The following DNM3 variants were observed in gnomAD, a reference collection of about 807,000 sequenced individuals.
DNM3 encodes the protein dynamin-3.
Under a neutral mutation model 101.6 loss-of-function variants are expected in DNM3, and 47 were observed. That is an observed-to-expected ratio of 0.46 (90% CI 0.37 to 0.59). DNM3 has a LOEUF of 0.59. Among genes scored for constraint, DNM3 ranks in the 20% least tolerant of loss-of-function variants. The pLI, the probability that DNM3 is intolerant of heterozygous loss-of-function variation, is 0.00. For missense variants in DNM3, 849 were observed against 1,085.7 expected (o/e 0.78, Z 3.06); for synonymous variants, 385 against 387.9 (o/e 0.99, Z 0.09).
intron 14 of DNM3, among the ~76,000 whole-genome samples, chr1:172,216,475 G>T (rs1398443521): frequency 6.6e-6 from 1 of 152,048 alleles, no homozygotes; most frequent in Non-Finnish European, 1.5e-5. Flanking sequence ...ATTTGTGATG[G>T]ATGCTAAAGT....
chr1:171,916,319 A>C (rs2039706503), intron 1 of DNM3, among the ~76,000 whole-genome samples: 1 of 152,334 alleles, frequency 6.6e-6, no homozygotes, highest in South Asian at 2.1e-4. Context: ...TTATGAGATC[A>C]AACAAGTTAA....
chr1:171,957,223 A>C (rs1571826843), intron 2 of DNM3, among the ~76,000 whole-genome samples: 2 of 136,908 alleles, frequency 1.5e-5, no homozygotes, highest in East Asian at 2.1e-4. Context: ...TTTGAGACGG[A>C]GTCTCGCACT....
At chr1:172,079,539 T>A (rs1425764049) in intron 11 of DNM3, among the ~76,000 whole-genome samples, 3 of 152,192 alleles carry the variant, frequency 2.0e-5, no homozygotes, top group Non-Finnish European at 4.4e-5. Flanking sequence ...TTCAAGGTTC[T>A]TAGCTTCCTT....
At chr1:172,198,850 A>G (rs2060049815) in intron 14 of DNM3, among the ~76,000 whole-genome samples, 1 of 151,852 alleles carries the variant, frequency 6.6e-6, no homozygotes, top group Non-Finnish European at 1.5e-5. Flanking sequence ...AATTTTTTCA[A>G]AAAATCAACT....
At chr1:172,223,375 T>C (rs369642210) in intron 14 of DNM3, among the ~76,000 whole-genome samples, 92 of 152,022 alleles carry the variant, frequency 6.1e-4, no homozygotes, top group African/African-American at 2.1e-3. Flanking sequence ...CAGGCACCAT[T>C]GTATATCCAT....
chr1:172,343,622 A>G (rs1485587746), intron 17 of DNM3, among the ~76,000 whole-genome samples: 1 of 152,186 alleles, frequency 6.6e-6, no homozygotes, highest in African/African-American at 2.4e-5. Flanking sequence ...TGTGAATCAT[A>G]GAAGCAGCCA....
intron 14 of DNM3, among the ~76,000 whole-genome samples, chr1:172,158,284 A>T (rs2058417517): frequency 6.6e-6 from 1 of 151,978 alleles, no homozygotes; most frequent in African/African-American, 2.4e-5. Flanking sequence ...GATAACTGGG[A>T]CCTGCTTAAG....
chr1:172,152,843 A>G (rs935244535), intron 14 of DNM3, among the ~76,000 whole-genome samples: 2 of 152,194 alleles, frequency 1.3e-5, no homozygotes, highest in African/African-American at 4.8e-5. Context: ...GTTTTTAACC[A>G]TGTAAGATAA....
intron 7 of DNM3, among the ~76,000 whole-genome samples, chr1:172,039,339 C>T (rs1555381): frequency 0.7 from 107,030 of 152,040 alleles, 39,026 homozygotes; most frequent in African/African-American, 0.9. Context: ...AATTGGCATT[C>T]AAAGTGCACA....
intron 6 of DNM3, among the ~76,000 whole-genome samples, chr1:172,035,753 C>T (rs904204330): frequency 6.6e-6 from 1 of 152,080 alleles, no homozygotes; most frequent in African/African-American, 2.4e-5. Context: ...ACGTTGCTGT[C>T]GGGAATGCTG....
At chr1:172,327,040 A>G (rs1348497804) in intron 17 of DNM3, among the ~76,000 whole-genome samples, 4 of 152,184 alleles carry the variant, frequency 2.6e-5, no homozygotes, top group African/African-American at 9.6e-5. Context: ...TAGAACAGAA[A>G]CATGCTAAAA....
At chr1:171,928,343 G>A (rs1409927056) in intron 2 of DNM3, among the ~76,000 whole-genome samples, 7 of 152,138 alleles carry the variant, frequency 4.6e-5, no homozygotes, top group South Asian at 4.1e-4. Context: ...TGTGATCTCA[G>A]TACTTGTGTT....
chr1:172,103,887 G>A (rs2054828379), intron 13 of DNM3, among the ~76,000 whole-genome samples: 1 of 152,178 alleles, frequency 6.6e-6, no homozygotes, highest in South Asian at 2.1e-4. Flanking sequence ...TGTAATTTCA[G>A]CTACTCAGGA....
chr1:171,906,504 A>G (rs978037899), intron 1 of DNM3, among the ~76,000 whole-genome samples: 2 of 152,132 alleles, frequency 1.3e-5, no homozygotes, highest in Non-Finnish European at 2.9e-5. Flanking sequence ...TTCTTTTTAA[A>G]TAACTTGGAC....
At position 172,410,269 on chromosome 1, in the gene DNM3, G is replaced by A. The variant is rs962625415; in HGVS notation, c.*2428G>A. On this transcript the variant is annotated 3_prime_UTR_variant, in exon 21 of 21. Transcript: ENST00000627582. ...TGAATGAAGTCTGAAACTCTAGTAT[G>A]TGCATAGTTTGACGTGCAGCATGCA... 3.0e-6 allele frequency: 3 copies of A among 985,262 alleles called. No individual in the cohort carries two copies. The African/African-American group carries it at 5.2e-5, about 17-fold the overall frequency. The allele number at this position is 985,262 out of a possible 1,614,324, so 61.0% of individuals were successfully genotyped here.
At chr1:171,860,281 C>T (rs894637975) in intron 1 of DNM3, among the ~76,000 whole-genome samples, 2 of 152,048 alleles carry the variant, frequency 1.3e-5, no homozygotes, top group African/African-American at 4.8e-5. Flanking sequence ...GTACATGAAG[C>T]TACTTTTTCA....
intron 1 of DNM3, among the ~76,000 whole-genome samples, chr1:171,869,707 T>G (rs1442390575): frequency 1.3e-5 from 2 of 152,228 alleles, no homozygotes; most frequent in Non-Finnish European, 2.9e-5. Flanking sequence ...TGGTAAAATA[T>G]TTCACTGCCC....
At chr1:172,287,175 G>C (rs866655575) in intron 15 of DNM3, among the ~76,000 whole-genome samples, 45 of 152,052 alleles carry the variant, frequency 3.0e-4, no homozygotes, top group Non-Finnish European at 1.5e-5. Flanking sequence ...CATCACTCCC[G>C]CATTTTCTAT....
chr1:171,886,535 T>A (rs370120588), intron 1 of DNM3, among the ~76,000 whole-genome samples: 1 of 145,936 alleles, frequency 6.9e-6, no homozygotes, highest in African/African-American at 2.5e-5. Flanking sequence ...CCCCAACCCA[T>A]TTTTTTTTTA....
Sources: gnomAD v4.1 joint callset for allele counts (sites outside exome capture counted in the v4.1 genomes callset) on GRCh38, gnomAD v4.1.1 for gene constraint, MANE v1.5 for transcripts, NCBI Gene and HGNC (gene_info 2026-07-23, HGNC 2026-07-21) for gene names.